The following RIMKLB variants were observed in gnomAD, a reference collection of about 807,000 sequenced individuals.
RIMKLB encodes ribosomal modification protein rimK like family member B.
RIMKLB carries 7 observed loss-of-function variants against 32.0 expected under a neutral mutation model. The observed-to-expected ratio is 0.22, with a 90% CI of 0.12 to 0.41. The LOEUF (loss-of-function observed/expected upper bound fraction) is 0.41, where lower values mean the gene tolerates loss of function less well. Ranked by LOEUF, RIMKLB falls within the 10% of genes least tolerant of loss-of-function variation. RIMKLB has a pLI of 1.00. For missense variants in RIMKLB, 289 were observed against 498.7 expected, an observed-to-expected ratio of 0.58 and a Z score of 4.00; for synonymous variants, 172 against 185.1, an observed-to-expected ratio of 0.93 and a Z score of 0.57.
At chr12:8,762,320 C>T (rs1344960720) in intron 5 of RIMKLB, among the ~76,000 whole-genome samples, 4 of 152,202 alleles carry the variant, frequency 2.6e-5, no homozygotes, top group South Asian at 2.1e-4. Flanking sequence ...ACTACATCCT[C>T]GTGAGGTTCC....
intron 2 of RIMKLB, among the ~76,000 whole-genome samples, chr12:8,746,335 A>G (rs777120606): frequency 6.6e-6 from 1 of 151,712 alleles, no homozygotes; most frequent in Non-Finnish European, 1.5e-5. Context: ...CCGGGAGCTC[A>G]TGCCTGTAAT....
chr12:8,718,543 T>C (rs1945082240), intron 2 of RIMKLB, among the ~76,000 whole-genome samples: 1 of 152,114 alleles, frequency 6.6e-6, no homozygotes, highest in Non-Finnish European at 1.5e-5. Context: ...CTCAGGAGGC[T>C]GAGTCAGGAG....
At chr12:8,671,162 A>G in the RIMKLB span, among the ~76,000 whole-genome samples, 1 of 151,838 alleles carries the variant, frequency 6.6e-6, no homozygotes, top group Non-Finnish European at 1.5e-5. Context: ...CATTTTCCCC[A>G]TGGTCTTGGG....
In RIMKLB at chr12:8,729,928, G is replaced by A. The variant is rs147449758; in HGVS notation, c.175+15887G>A. Reference sequence around the variant, plus strand: ...TGGTTTTGATTTGTGTTTCCCTAATGATTAGTGATTTTTAGCATCTTTTCA... The same window carrying A: ...TGGTTTTGATTTGTGTTTCCCTAATAATTAGTGATTTTTAGCATCTTTTCA... On this transcript the variant is annotated intron_variant, in intron 2 of 5. Coordinates refer to ENST00000535829, the MANE Select transcript of RIMKLB (RefSeq NM_001297776.2). 2.1e-3 allele frequency among the ~76,000 whole-genome samples: 324 copies of A among 152,280 alleles called. 1 individual carries two copies. The highest frequency in any genetic ancestry group is 7.4e-3 in the African/African-American group (309 of 41,548).
At chr12:8,708,172 A>G (rs1308859490) in intron 1 of RIMKLB, among the ~76,000 whole-genome samples, 5 of 152,078 alleles carry the variant, frequency 3.3e-5, no homozygotes, top group African/African-American at 7.2e-5. Context: ...TACATATTCT[A>G]TTTTATATTA....
intron 5 of RIMKLB, among the ~76,000 whole-genome samples, chr12:8,762,988 A>G (rs1482670269): frequency 3.9e-5 from 6 of 152,246 alleles, no homozygotes; most frequent in East Asian, 1.9e-4. Flanking sequence ...ACAAGTGCAC[A>G]GTTGCAGCAC....
At chr12:8,771,430 C>CTA (rs530150162) in intron 5 of RIMKLB, among the ~76,000 whole-genome samples, 1 of 152,120 alleles carries the variant, frequency 6.6e-6, no homozygotes, top group Non-Finnish European at 1.5e-5. Flanking sequence ...TAACAAAAGA[C>CTA]TATAACAAGG....
chr12:8,772,968 G>C (rs1950526690), intron 5 of RIMKLB, among the ~76,000 whole-genome samples: 1 of 152,148 alleles, frequency 6.6e-6, no homozygotes, highest in Non-Finnish European at 1.5e-5. Context: ...CCTCCGTTCT[G>C]TTATGCATTT....
intron 1 of RIMKLB, among the ~76,000 whole-genome samples, chr12:8,688,747 G>A (rs1363423724): frequency 6.6e-6 from 1 of 152,100 alleles, no homozygotes; most frequent in East Asian, 1.9e-4. Flanking sequence ...CATAATGAAA[G>A]TTTTGATCCA....
intron 4 of RIMKLB, among the ~76,000 whole-genome samples, chr12:8,753,359 T>C (rs757726914): frequency 4.6e-5 from 7 of 152,246 alleles, no homozygotes; most frequent in Non-Finnish European, 4.4e-5. Context: ...TCAGTATCCC[T>C]CCTTTCCCCT....
In RIMKLB at chr12:8,775,131, T is replaced by C; in HGVS notation, c.*1347T>C. 1 of 985,776 alleles carries C rather than the reference T, an allele frequency of 1.0e-6. No homozygotes were observed. Among genetic ancestry groups the C allele is most frequent in the Non-Finnish European group, 1.2e-6 (1 of 829,894 alleles). 61.1% of individuals were successfully genotyped at this position (985,776 alleles called of 1,614,324 possible). A position where few individuals can be genotyped will look rare whatever the true frequency, so the allele number is the denominator to read the frequency against. On this transcript the variant is annotated 3_prime_UTR_variant, in exon 6 of 6. Transcript: ENST00000535829. The stretch of plus-strand genomic sequence containing the variant: ...TTTTTTTCCTTTTGTTTCTAGCCTG[T>C]TCAGTGTACAGTTTATTCAAGGCTA...
chr12:8,670,608 G>A, the RIMKLB span, among the ~76,000 whole-genome samples: 1 of 152,328 alleles, frequency 6.6e-6, no homozygotes, highest in Middle Eastern at 3.4e-3. Context: ...TGCTTTCACA[G>A]GCTGGTGTTG....
At chr12:8,742,662 T>C (rs913047394) in intron 2 of RIMKLB, 10 of 231,536 alleles carry the variant, frequency 4.3e-5, no homozygotes, top group Non-Finnish European at 6.0e-5. Flanking sequence ...GTCAGTGATA[T>C]ATCCTCTAGG....
chr12:8,705,167 T>A (rs1038835411), intron 1 of RIMKLB, among the ~76,000 whole-genome samples: 5 of 152,062 alleles, frequency 3.3e-5, no homozygotes, highest in African/African-American at 1.2e-4. Flanking sequence ...GTCCAAGTGT[T>A]GAATATACTG....
intron 5 of RIMKLB, among the ~76,000 whole-genome samples, chr12:8,771,745 G>T (rs1156707318): frequency 6.6e-6 from 1 of 152,006 alleles, no homozygotes; most frequent in Non-Finnish European, 1.5e-5. Flanking sequence ...CTGGATTTTA[G>T]CTGTTTTAGT....
chr12:8,744,079 A>G (rs917806678), intron 2 of RIMKLB, among the ~76,000 whole-genome samples: 4 of 152,092 alleles, frequency 2.6e-5, no homozygotes, highest in African/African-American at 9.7e-5. Flanking sequence ...ACATGGGTCT[A>G]AGGGAAGAAA....
intron 5 of RIMKLB, among the ~76,000 whole-genome samples, chr12:8,757,578 G>C (rs747812951): frequency 2.5e-4 from 38 of 151,750 alleles, no homozygotes; most frequent in Non-Finnish European, 4.9e-4. Flanking sequence ...TGTCAATATA[G>C]TTATCTGTTT....
In RIMKLB at chr12:8,774,428, T is replaced by C. The variant is rs1950609966; in HGVS notation, c.*644T>C. The stretch of plus-strand genomic sequence containing the variant: ...AAATTGGCATGTTTGCATGATGAAA[T>C]GGAAATGAACAGTATTGCAATGTCC... On this transcript the variant is annotated 3_prime_UTR_variant, in exon 6 of 6. Transcript: ENST00000535829. The C allele has an allele frequency of 1.1e-5, 11 of 985,740 alleles. No individual in the cohort carries two copies. The highest frequency in any genetic ancestry group is 1.2e-5 in the Non-Finnish European group (10 of 829,820). 61.1% of individuals were successfully genotyped at this position (985,740 alleles called of 1,614,324 possible).
At chr12:8,743,915 G>C (rs1478372954) in intron 2 of RIMKLB, among the ~76,000 whole-genome samples, 1 of 151,936 alleles carries the variant, frequency 6.6e-6, no homozygotes, top group East Asian at 1.9e-4. Context: ...AATTTTATAA[G>C]TTGGGGTTTA....
Sources: gnomAD v4.1 joint callset for allele counts (sites outside exome capture counted in the v4.1 genomes callset) on GRCh38, gnomAD v4.1.1 for gene constraint, MANE v1.5 for transcripts, NCBI Gene and HGNC (gene_info 2026-07-23, HGNC 2026-07-21) for gene names.